SLC38A11: variants seen among roughly 807,000 people sequenced by gnomAD.
SLC38A11 encodes solute carrier family 38 member 11.
SLC38A11 carries 51 observed loss-of-function variants against 49.4 expected under a neutral mutation model. The ratio of observed to expected loss-of-function variants is 1.03; its 90% CI spans 0.83 to 1.30. The LOEUF (loss-of-function observed/expected upper bound fraction) is 1.30, where lower values mean the gene tolerates loss of function less well. Among genes scored for constraint, SLC38A11 ranks in the 50% most tolerant of loss-of-function variants. The pLI, the probability that SLC38A11 is intolerant of heterozygous loss-of-function variation, is 0.00. For missense variants in SLC38A11, 574 were observed against 556.2 expected, an observed-to-expected ratio of 1.03 and a Z score of -0.32; for synonymous variants, 203 against 192.9, an observed-to-expected ratio of 1.05 and a Z score of -0.43.
intron 4 of SLC38A11, 70 bp downstream of exon 4, chr2:164,945,523 A>G (rs1410566043): frequency 7.1e-7 from 1 of 1,416,120 alleles, no homozygotes; most frequent in East Asian, 2.4e-5. Context: ...GACTATTAAA[A>G]GTATTTTATT....
At chr2:164,915,090 A>G in intron 9 of SLC38A11, 22 bp downstream of exon 9, 2 of 1,594,520 alleles carry the variant, frequency 1.3e-6, no homozygotes, top group Non-Finnish European at 1.7e-6. Flanking sequence ...CATGAACACT[A>G]TAACTGAATC....
chr2:164,925,041 C>T (rs1479109301), intron 7 of SLC38A11, among the ~76,000 whole-genome samples: 1 of 152,134 alleles, frequency 6.6e-6, no homozygotes, highest in Non-Finnish European at 1.5e-5. Context: ...CCACTGTGCC[C>T]GGCCTGAAAT....
At chr2:164,954,892 A>C (rs1559138171) in intron 1 of SLC38A11, 147 bp from the exon 2 acceptor site, 1 of 572,252 alleles carries the variant, frequency 1.7e-6, no homozygotes, top group South Asian at 2.5e-5. Context: ...GGATAACAGT[A>C]ATAAAGAATA....
At chr2:164,915,544 C>T in intron 8 of SLC38A11, 1 of 430,248 alleles carries the variant, frequency 2.3e-6, no homozygotes, top group Non-Finnish European at 4.1e-6. Context: ...AATGACCCTT[C>T]CCATCTGAAG....
At chr2:164,903,160 C>A (rs1423307754) in intron 11 of SLC38A11, among the ~76,000 whole-genome samples, 1 of 150,276 alleles carries the variant, frequency 6.7e-6, no homozygotes, top group African/African-American at 2.4e-5. Flanking sequence ...TTTGTGAAAA[C>A]AACAAACAGT....
intron 9 of SLC38A11, among the ~76,000 whole-genome samples, chr2:164,913,637 A>G (rs1204144722): frequency 6.7e-6 from 1 of 148,310 alleles, no homozygotes; most frequent in Non-Finnish European, 1.5e-5. Context: ...ACCACTGATA[A>G]AAACTCCAGG....
At position 164,898,598 on chromosome 2, in the gene SLC38A11, C is replaced by T. The variant is rs1446585614; in HGVS notation, c.1228G>A (p.Val410Ile). The T allele has an allele frequency of 6.2e-7, 1 of 1,613,610 alleles. No homozygotes were observed. Among genetic ancestry groups the T allele is most frequent in the African/African-American group, 1.3e-5 (1 of 74,990 alleles). Residue 410 changes from valine to isoleucine, a missense_variant, in exon 12 of 12, where the codon GTT becomes ATT. Val to Ile is a conservative substitution (Grantham distance 29). Transcript: ENST00000685975. ...GTAATAGCCATGACGAATCCAAAAA[C>T]CATCACCACAGCACCAATGGGAAGC... The part of the protein sequence containing the change: ...VMLPIGAVVM[V>I]FGFVMAITNT...
At chr2:164,904,166 T>C (rs1684838897) in intron 11 of SLC38A11, among the ~76,000 whole-genome samples, 1 of 152,138 alleles carries the variant, frequency 6.6e-6, no homozygotes, top group African/African-American at 2.4e-5. Context: ...TTGAGCTGGT[T>C]ATGCTGGCAC....
intron 7 of SLC38A11, among the ~76,000 whole-genome samples, chr2:164,928,023 T>C (rs1160089392): frequency 6.6e-6 from 1 of 152,098 alleles, no homozygotes; most frequent in African/African-American, 2.4e-5. Context: ...TAATGGTGGG[T>C]GAAATAAGTA....
chr2:164,933,500 G>C (rs1303684940), intron 7 of SLC38A11, among the ~76,000 whole-genome samples: 1 of 152,050 alleles, frequency 6.6e-6, no homozygotes, highest in Non-Finnish European at 1.5e-5. Flanking sequence ...TATGGAAAAG[G>C]AAATTGAATT....
At chr2:164,951,842 G>A (rs945863364) in intron 3 of SLC38A11, among the ~76,000 whole-genome samples, 2 of 152,174 alleles carry the variant, frequency 1.3e-5, no homozygotes, top group African/African-American at 2.4e-5. Flanking sequence ...ATTGGTCCCC[G>A]TGGAGGCAAG....
intron 6 of SLC38A11, chr2:164,937,698 T>C (rs1401524627): frequency 1.6e-5 from 4 of 254,624 alleles, no homozygotes; most frequent in Non-Finnish European, 3.0e-5. Context: ...TAAAAATTTT[T>C]AGTGGCTCCT....
intron 7 of SLC38A11, among the ~76,000 whole-genome samples, chr2:164,927,527 G>A (rs772975153): frequency 3.3e-5 from 5 of 152,030 alleles, no homozygotes; most frequent in East Asian, 1.9e-4. Flanking sequence ...CTCCCCCAGC[G>A]AATGGCAAAG....
chr2:164,952,979 T>G, intron 2 of SLC38A11, 198 bp from the exon 3 acceptor site: 1 of 505,504 alleles, frequency 2.0e-6, no homozygotes, highest in Non-Finnish European at 3.5e-6. Context: ...TGTTATTAGC[T>G]TAGGGACAAG....
intron 7 of SLC38A11, among the ~76,000 whole-genome samples, chr2:164,930,424 C>T (rs2105485415): frequency 6.6e-6 from 1 of 151,868 alleles, no homozygotes; most frequent in South Asian, 2.1e-4. Flanking sequence ...ATCCTGATAC[C>T]AAAATCTGGC....
chr2:164,930,707 G>T (rs554052701), intron 7 of SLC38A11, among the ~76,000 whole-genome samples: 1 of 151,988 alleles, frequency 6.6e-6, no homozygotes, highest in African/African-American at 2.4e-5. Context: ...ATTCAACACC[G>T]CTTCACGTTA....
rs148011328 is a variant in SLC38A11 at position 164,934,996 on chromosome 2, C to A, written c.617+2354G>T. Among the ~76,000 whole-genome samples the A allele has an allele frequency of 4.1e-3, 625 of 152,212 alleles. 2 individuals are homozygous for A. Among genetic ancestry groups the A allele is most frequent in the African/African-American group, 0.015 (608 of 41,550 alleles). Reference sequence around the variant, plus strand: ...TGTAATACATACAGACTCATACCCTCTATGTATCTGGAAAAATTGCAATTC... The same window carrying A: ...TGTAATACATACAGACTCATACCCTATATGTATCTGGAAAAATTGCAATTC... On this transcript the variant is annotated intron_variant, in intron 7 of 11. Transcript: ENST00000685975.
intron 1 of SLC38A11, 42 bp downstream of exon 1, chr2:164,955,167 C>T (rs1007600989): frequency 6.5e-6 from 10 of 1,546,088 alleles, no homozygotes; most frequent in Admixed American, 2.0e-5. Context: ...AATGAAATTT[C>T]CGGACAACTG....
Position 164,937,355 on chromosome 2 carries a change from T to C in SLC38A11, c.612A>G (p.Pro204=), listed in dbSNP as rs1289882311. The C allele has an allele frequency of 6.2e-7, 1 of 1,604,882 alleles. No homozygotes were observed. Among genetic ancestry groups the C allele is most frequent in the Non-Finnish European group, 8.5e-7 (1 of 1,172,226 alleles). The change falls in exon 7 of 12, where the codon CCA becomes CCG. Residue 204 remains proline (P), a synonymous_variant. Coordinates refer to ENST00000685975, the MANE Select transcript of SLC38A11 (RefSeq NM_001351537.2). Reference sequence around the variant, plus strand: ...AATATAACAACATAACTTACATGTGTGGACCCAGTGAAATTGCCCTTGCCA... The same window carrying C: ...AATATAACAACATAACTTACATGTGCGGACCCAGTGAAATTGCCCTTGCCA... ...IVMARAISLG[P]HIPKTEDAWV...
Sources: gnomAD v4.1 joint callset for allele counts (sites outside exome capture counted in the v4.1 genomes callset) on GRCh38, gnomAD v4.1.1 for gene constraint, MANE v1.5 for transcripts, NCBI Gene and HGNC (gene_info 2026-07-23, HGNC 2026-07-21) for gene names.